The following JDP2 variants were observed in gnomAD, a reference collection of about 807,000 sequenced individuals.
JDP2 encodes the protein Jun dimerization protein 2.
Under a neutral mutation model 17.1 loss-of-function variants are expected in JDP2, and 9 were observed. The ratio of observed to expected loss-of-function variants is 0.53; its 90% confidence interval spans 0.32 to 0.92. The LOEUF (loss-of-function observed/expected upper bound fraction) is 0.92, where lower values mean the gene tolerates loss of function less well. JDP2 is among the 40% of genes least tolerant of loss of function. The pLI, the probability that JDP2 is intolerant of heterozygous loss-of-function variation, is 0.04. For synonymous variants in JDP2, 107 were observed against 95.6 expected (o/e 1.12, Z -0.69); for missense variants, 179 against 220.0 (o/e 0.81, Z 1.18).
intron 3 of JDP2, among the ~76,000 whole-genome samples, chr14:75,464,267 C>T (rs990997243): frequency 1.3e-5 from 2 of 152,160 alleles, no homozygotes; most frequent in African/African-American, 4.8e-5. Context: ...CTCAGAGATA[C>T]ATATGTTAAT....
At chr14:75,447,425 T>C (rs1285336281) in intron 2 of JDP2, among the ~76,000 whole-genome samples, 2 of 152,188 alleles carry the variant, frequency 1.3e-5, no homozygotes, top group Non-Finnish European at 2.9e-5. Flanking sequence ...CAGGGTCTCA[T>C]TTTTTAAAGC....
chr14:75,437,252 C>A (rs187099432), intron 1 of JDP2, among the ~76,000 whole-genome samples: 15 of 152,114 alleles, frequency 9.9e-5, no homozygotes, highest in Admixed American at 5.9e-4. Flanking sequence ...ATTAATTCCA[C>A]CTGCTTTGCC....
intron 2 of JDP2, among the ~76,000 whole-genome samples, chr14:75,454,586 G>T (rs994246785): frequency 3.3e-5 from 5 of 152,312 alleles, no homozygotes; most frequent in East Asian, 1.9e-4. Flanking sequence ...ATAGATTAAG[G>T]TTCTCATGGG....
At chr14:75,462,011 A>G (rs545745489) in intron 3 of JDP2, among the ~76,000 whole-genome samples, 1 of 152,334 alleles carries the variant, frequency 6.6e-6, no homozygotes, top group African/African-American at 2.4e-5. Flanking sequence ...CCAGCCCTGC[A>G]TGCCATCTGG....
At chr14:75,450,390 C>T (rs548089483) in intron 2 of JDP2, among the ~76,000 whole-genome samples, 1 of 152,348 alleles carries the variant, frequency 6.6e-6, no homozygotes, top group South Asian at 2.1e-4. Context: ...TTCTCAGTTG[C>T]AGAATCTAAG....
chr14:75,432,349 A>ATG, intron 1 of JDP2: 2 of 1,551,304 alleles, frequency 1.3e-6, no homozygotes, highest in Non-Finnish European at 8.7e-7. Flanking sequence ...ACTATGCGCC[A>ATG]TGACCCCTGG....
At position 75,472,577 on chromosome 14, in the gene JDP2, C is replaced by T. The variant is rs1341008635; in HGVS notation, c.*3102C>T. On this transcript the variant is annotated 3_prime_UTR_variant, in exon 4 of 4. Coordinates refer to ENST00000651602, the MANE Select transcript of JDP2 (RefSeq NM_001135048.2). The stretch of plus-strand genomic sequence containing the variant: ...TAATCTTCTATTGACTAGCTGTGAA[C>T]CTCATTTTTCTTATCTGTGAAGTGG... 1 of 152,144 alleles carries T rather than the reference C, an allele frequency of 6.6e-6. No homozygotes were observed. The highest frequency in any genetic ancestry group is 2.4e-5 in the African/African-American group (1 of 41,426). 9.4% of individuals were successfully genotyped at this position (152,144 alleles called of 1,614,324 possible).
At chr14:75,436,887 C>T (rs1328820201) in intron 1 of JDP2, among the ~76,000 whole-genome samples, 1 of 152,186 alleles carries the variant, frequency 6.6e-6, no homozygotes, top group South Asian at 2.1e-4. Flanking sequence ...TGTGTTTGCT[C>T]TGAGAATGAA....
Position 75,432,418 on chromosome 14 carries a change from G to C in JDP2, c.-24+4166G>C. ...TGCCCTCCGCATCCGGTTCTGTCCT[G>C]GGAATCTTCCCAGGCTCTGGCTCCC... On this transcript the variant is annotated intron_variant, in intron 1 of 3. Coordinates refer to ENST00000651602, the MANE Select transcript of JDP2 (RefSeq NM_001135048.2). The C allele has an allele frequency of 3.7e-6, 5 of 1,364,306 alleles. No homozygotes were observed. The South Asian group carries it at 5.1e-5, about 14-fold the overall frequency. 84.5% of individuals were successfully genotyped at this position (1,364,306 alleles called of 1,614,324 possible).
intron 3 of JDP2, among the ~76,000 whole-genome samples, chr14:75,461,780 C>A (rs748301754): frequency 6.6e-6 from 1 of 152,198 alleles, no homozygotes; most frequent in Non-Finnish European, 1.5e-5. Context: ...AAGGAGGAGC[C>A]AAATTCCCCT....
chr14:75,455,751 C>T (rs562155895), intron 2 of JDP2, among the ~76,000 whole-genome samples: 2 of 152,228 alleles, frequency 1.3e-5, no homozygotes, highest in Admixed American at 6.5e-5. Context: ...CGGAGGTGTT[C>T]GTGACTCCAC....
intron 2 of JDP2, among the ~76,000 whole-genome samples, chr14:75,453,695 C>T (rs1885973049): frequency 6.6e-6 from 1 of 152,220 alleles, no homozygotes; most frequent in Non-Finnish European, 1.5e-5. Context: ...GAGCACACAG[C>T]TGGTCTACAG....
Position 75,445,610 on chromosome 14 carries a change from A to G in JDP2, c.201+7489A>G, listed in dbSNP as rs144697452. ...TTTGAAATTCAGTTTCGTCCCTTGT[A>G]AAAATAGGGGAAATAGACCCCTACC... On this transcript the variant is annotated intron_variant, in intron 2 of 3. Transcript: ENST00000651602. The G allele has an allele frequency of 1.6e-3, 1,581 of 984,634 alleles. 2 individuals carry two copies. Among genetic ancestry groups the G allele is most frequent in the Non-Finnish European group, 1.8e-3 (1,513 of 829,192 alleles). 61.0% of individuals were successfully genotyped at this position (984,634 alleles called of 1,614,324 possible). A position where few individuals can be genotyped will look rare whatever the true frequency, so the allele number is the denominator to read the frequency against.
chr14:75,431,859 G>A (rs1419301111), intron 1 of JDP2, among the ~76,000 whole-genome samples: 1 of 152,248 alleles, frequency 6.6e-6, no homozygotes, highest in Non-Finnish European at 1.5e-5. Flanking sequence ...GGCCCTGGTG[G>A]CCACACTGAC....
chr14:75,431,182 G>A (rs575467938), intron 1 of JDP2, among the ~76,000 whole-genome samples: 8 of 152,328 alleles, frequency 5.3e-5, no homozygotes, highest in African/African-American at 1.4e-4. Flanking sequence ...ATGGTTGTAC[G>A]CTCCCAGCTT....
chr14:75,448,138 A>G (rs1847938626), intron 2 of JDP2, among the ~76,000 whole-genome samples: 1 of 152,168 alleles, frequency 6.6e-6, no homozygotes, highest in Non-Finnish European at 1.5e-5. Flanking sequence ...TTCTCATTGA[A>G]TGACTATAAT....
intron 2 of JDP2, among the ~76,000 whole-genome samples, chr14:75,446,200 C>T (rs190666098): frequency 4.6e-4 from 70 of 152,294 alleles, no homozygotes; most frequent in African/African-American, 1.4e-3. Context: ...ATGAATTGAT[C>T]GTGGGAATGT....
chr14:75,466,956 A>G (rs949777509), intron 3 of JDP2, among the ~76,000 whole-genome samples: 8 of 152,122 alleles, frequency 5.3e-5, no homozygotes, highest in African/African-American at 1.9e-4. Context: ...TCTTGCTTAT[A>G]AGTTACAGTA....
chr14:75,469,594 T>C lies in JDP2; in HGVS notation c.*119T>C. 1 of 794,904 alleles carries C rather than the reference T, an allele frequency of 1.3e-6. No homozygotes were observed. Among genetic ancestry groups the C allele is most frequent in the Non-Finnish European group, 2.0e-6 (1 of 508,400 alleles). 49.2% of individuals were successfully genotyped at this position (794,904 alleles called of 1,614,324 possible). A position where few individuals can be genotyped will look rare whatever the true frequency, so the allele number is the denominator to read the frequency against. On this transcript the variant is annotated 3_prime_UTR_variant, in exon 4 of 4. Coordinates refer to ENST00000651602, the MANE Select transcript of JDP2 (RefSeq NM_001135048.2). ...GTGCATGAAAAACTGTACAATGAGG[T>C]TCAGCACAGCCAGCATCAGCCGAGC...
Sources: allele counts gnomAD v4.1 joint callset (sites outside exome capture counted in the v4.1 genomes callset), GRCh38; gene constraint gnomAD v4.1.1; transcripts MANE v1.5; gene names NCBI Gene and HGNC (gene_info 2026-07-23, HGNC 2026-07-21).